Variants in PODXL2 observed in about 807,000 individuals in gnomAD.
PODXL2 encodes the protein podocalyxin like 2.
PODXL2 carries 17 observed loss-of-function variants against 53.4 expected under a neutral mutation model. The observed-to-expected ratio is 0.32, with a 90% CI of 0.22 to 0.48. The LOEUF (loss-of-function observed/expected upper bound fraction) is 0.48, where lower values mean the gene tolerates loss of function less well. Ranked by LOEUF, PODXL2 falls within the 20% of genes least tolerant of loss-of-function variation. The probability of loss-of-function intolerance (pLI) is 0.99; values close to 1 mark genes in which losing one functional copy is unlikely to be tolerated. For missense variants in PODXL2, 673 were observed against 760.0 expected (o/e 0.89, Z 1.35); for synonymous variants, 311 against 306.7 (o/e 1.01, Z -0.15).
intron 3 of PODXL2, 108 bp downstream of exon 3, chr3:127,661,267 G>T: frequency 1.2e-6 from 1 of 808,172 alleles, no homozygotes; most frequent in Admixed American, 2.6e-5. Context: ...TGAGGAGGGA[G>T]GCCCTTTCCA....
chr3:127,654,760 T>G (rs543177413), intron 2 of PODXL2, among the ~76,000 whole-genome samples: 1 of 152,256 alleles, frequency 6.6e-6, no homozygotes, highest in Non-Finnish European at 1.5e-5. Flanking sequence ...CTGTTATTAT[T>G]TTACCAGGTA....
chr3:127,672,562 GCCCCGCGCCTACCCGGGCCGC>G lies in PODXL2; in HGVS notation c.*90_*110del. 2.2e-6 allele frequency: 2 copies of G among 929,614 alleles called. No individual in the cohort carries two copies. The highest frequency in any genetic ancestry group is 3.0e-6 in the Non-Finnish European group (2 of 668,234). 57.6% of individuals were successfully genotyped at this position (929,614 alleles called of 1,614,324 possible). A position where few individuals can be genotyped will look rare whatever the true frequency, so the allele number is the denominator to read the frequency against. On this transcript the variant is annotated 3_prime_UTR_variant, in exon 8 of 8. Coordinates refer to ENST00000342480, the MANE Select transcript of PODXL2 (RefSeq NM_015720.4). ...AACGGACGGCCCGGAGCCCGCACCAGCCCCGCGCCTACCCGGGCCGCCCCCGCGGCCTGGCCCTCGGCGCGG... is the reference window on the plus strand; with the variant it reads ...AACGGACGGCCCGGAGCCCGCACCAGCCCCGCGGCCTGGCCCTCGGCGCGG...
At chr3:127,638,116 G>A (rs1025591689) in intron 1 of PODXL2, among the ~76,000 whole-genome samples, 1 of 152,182 alleles carries the variant, frequency 6.6e-6, no homozygotes, top group African/African-American at 2.4e-5. Flanking sequence ...TATCTGGTGA[G>A]GAGACTGAGA....
intron 2 of PODXL2, among the ~76,000 whole-genome samples, chr3:127,655,507 G>A (rs370183830): frequency 1.0e-3 from 152 of 152,272 alleles, no homozygotes; most frequent in African/African-American, 3.4e-3. Flanking sequence ...CGGACTGTGC[G>A]CAGGGTCACC....
At chr3:127,642,824 G>A (rs1241813687) in intron 2 of PODXL2, among the ~76,000 whole-genome samples, 1 of 152,120 alleles carries the variant, frequency 6.6e-6, no homozygotes, top group South Asian at 2.1e-4. Flanking sequence ...AACAGGCTTT[G>A]GAGTCAGGAA....
intron 1 of PODXL2, among the ~76,000 whole-genome samples, chr3:127,638,082 G>T (rs749706533): frequency 1.3e-5 from 2 of 152,164 alleles, no homozygotes; most frequent in Non-Finnish European, 2.9e-5. Flanking sequence ...GAATTCAGAG[G>T]TCATTTCATT....
At chr3:127,641,744 G>A (rs1026317184) in intron 2 of PODXL2, among the ~76,000 whole-genome samples, 2 of 151,636 alleles carry the variant, frequency 1.3e-5, no homozygotes, top group Non-Finnish European at 2.9e-5. Context: ...TCGAACTCCT[G>A]ACCTCAGGTG....
intron 4 of PODXL2, among the ~76,000 whole-genome samples, chr3:127,667,754 C>T (rs1000608170): frequency 2.0e-5 from 3 of 152,244 alleles, no homozygotes; most frequent in Non-Finnish European, 4.4e-5. Flanking sequence ...CCTCACACCC[C>T]TCCCTCTGTT....
chr3:127,635,679 C>T (rs773408547), intron 1 of PODXL2, among the ~76,000 whole-genome samples: 1 of 152,222 alleles, frequency 6.6e-6, no homozygotes, highest in African/African-American at 2.4e-5. Flanking sequence ...CCGTCACAGA[C>T]CAGCTGGATT....
At chr3:127,671,036 G>A (rs1278524592) in intron 6 of PODXL2, among the ~76,000 whole-genome samples, 1 of 152,188 alleles carries the variant, frequency 6.6e-6, no homozygotes, top group Non-Finnish European at 1.5e-5. Flanking sequence ...GTATGGTGGA[G>A]GATGTGTGGG....
At chr3:127,659,047 A>G (rs2074744883) in intron 2 of PODXL2, among the ~76,000 whole-genome samples, 1 of 152,012 alleles carries the variant, frequency 6.6e-6, no homozygotes, top group East Asian at 1.9e-4. Flanking sequence ...TTAAATATCA[A>G]CTATTGACTT....
chr3:127,660,791 C>A lies in PODXL2; in HGVS notation c.763C>A (p.Pro255Thr). 1 of 1,614,144 alleles carries A rather than the reference C, an allele frequency of 6.2e-7. No homozygotes were observed. Among genetic ancestry groups the A allele is most frequent in the Non-Finnish European group, 8.5e-7 (1 of 1,179,988 alleles). ...LPSVTPTTVT[P>T]GDQDSTSQEA... ...TTCAGTCACCCCAACTACAGTGACT[C>A]CGGGGGACCAGGACTCCACCAGCCA... Residue 255 changes from proline (P) to threonine (T), a missense_variant, in exon 3 of 8, where the codon CCG (proline) becomes ACG (threonine). By Grantham distance (38) the Pro-to-Thr change is conservative. This residue lies in a region of PODXL2 where 588 missense variants were observed against 668.3 expected (regional missense o/e 0.88). Transcript: ENST00000342480.
intron 7 of PODXL2, 41 bp from the exon 8 acceptor site, chr3:127,672,227 G>GCTGGCTCGCTCGCCCATGGC: frequency 6.6e-7 from 1 of 1,510,758 alleles, no homozygotes; most frequent in South Asian, 1.2e-5. Context: ...CTGTCCGGGG[G>GCTGGCTCGCTCGCCCATGGC]CTGGCTCGCT....
In PODXL2 at chr3:127,672,661, A is replaced by C. The variant is rs1576439208; in HGVS notation, c.*181A>C. On this transcript the variant is annotated 3_prime_UTR_variant, in exon 8 of 8. Coordinates refer to ENST00000342480, the MANE Select transcript of PODXL2 (RefSeq NM_015720.4). Reference sequence around the variant, plus strand: ...ACGGCGGCTTCGGACCAACTCCCTCACTCCCGCCCGAGGGGCAGGCCTCAA... The same window carrying C: ...ACGGCGGCTTCGGACCAACTCCCTCCCTCCCGCCCGAGGGGCAGGCCTCAA... The C allele has an allele frequency of 6.5e-6, 3 of 463,160 alleles. No individual in the cohort carries two copies. The highest frequency in any genetic ancestry group is 1.1e-5 in the Non-Finnish European group (3 of 268,850). The allele number at this position is 463,160 out of a possible 1,614,324, so 28.7% of individuals were successfully genotyped here.
chr3:127,649,359 C>G (rs1199964646), intron 2 of PODXL2, among the ~76,000 whole-genome samples: 4 of 152,208 alleles, frequency 2.6e-5, no homozygotes, highest in Non-Finnish European at 4.4e-5. Flanking sequence ...TGATGGGGAT[C>G]TATAAAGCCA....
chr3:127,664,588 C>T (rs867193657), intron 4 of PODXL2, among the ~76,000 whole-genome samples: 5 of 152,084 alleles, frequency 3.3e-5, no homozygotes, highest in Non-Finnish European at 5.9e-5. Flanking sequence ...TACTGTTTTT[C>T]GCTATGAGTA....
At chr3:127,633,513 G>C (rs932052131) in intron 1 of PODXL2, among the ~76,000 whole-genome samples, 15 of 149,794 alleles carry the variant, frequency 1.0e-4, no homozygotes, top group African/African-American at 3.7e-4. Context: ...GGAGAAACCA[G>C]CTAATTTCAG....
chr3:127,669,322 C>G, intron 6 of PODXL2, 120 bp downstream of exon 6: 1 of 690,206 alleles, frequency 1.4e-6, no homozygotes, highest in South Asian at 1.9e-5. Flanking sequence ...ACAGAGCGTG[C>G]TCTGGGCAGG....
chr3:127,666,692 A>C (rs773301779), intron 4 of PODXL2, among the ~76,000 whole-genome samples: 13 of 152,348 alleles, frequency 8.5e-5, no homozygotes, highest in Non-Finnish European at 1.9e-4. Flanking sequence ...TACATGAACC[A>C]GTGCACCTGG....
Sources: allele counts gnomAD v4.1 joint callset (sites outside exome capture counted in the v4.1 genomes callset), GRCh38; gene constraint gnomAD v4.1.1; regional missense constraint gnomAD v4.1.1; transcripts MANE v1.5; gene names NCBI Gene and HGNC (gene_info 2026-07-23, HGNC 2026-07-21).